BNC2: variants seen among roughly 807,000 people sequenced by gnomAD.
BNC2 encodes the protein basonuclin zinc finger protein 2, also known as zinc finger protein basonuclin-2.
Under a neutral mutation model 76.3 loss-of-function variants are expected in BNC2, and 20 were observed. The observed-to-expected ratio is 0.26, with a 90% CI of 0.18 to 0.38. The LOEUF (loss-of-function observed/expected upper bound fraction) is 0.38, where lower values mean the gene tolerates loss of function less well. Among genes scored for constraint, BNC2 ranks in the 10% least tolerant of loss-of-function variants. The pLI is 1.00. For missense variants in BNC2, 1,382 were observed against 1,399.8 expected (o/e 0.99, Z 0.20); for synonymous variants, 582 against 514.8 (o/e 1.13, Z -1.77).
chr9:16,784,028 T>G (rs370986024), intron 1 of BNC2, among the ~76,000 whole-genome samples: 1 of 152,160 alleles, frequency 6.6e-6, no homozygotes, highest in Non-Finnish European at 1.5e-5. Context: ...TCCAGTGAAT[T>G]TGGGAAAAAG....
At chr9:16,660,154 G>A (rs573293630) in intron 3 of BNC2, among the ~76,000 whole-genome samples, 6 of 152,196 alleles carry the variant, frequency 3.9e-5, no homozygotes, top group African/African-American at 1.4e-4. Flanking sequence ...ACTTCCCCTT[G>A]AAAATTACAC....
intron 5 of BNC2, among the ~76,000 whole-genome samples, chr9:16,501,462 A>C (rs532666941): frequency 2.0e-5 from 3 of 152,226 alleles, no homozygotes; most frequent in African/African-American, 7.2e-5. Flanking sequence ...CATCACAACC[A>C]CTCAGTGAGA....
At chr9:16,733,164 TGGGACTTG>T (rs2135058295) in intron 2 of BNC2, among the ~76,000 whole-genome samples, 1 of 152,290 alleles carries the variant, frequency 6.6e-6, no homozygotes, top group African/African-American at 2.4e-5. Context: ...GAACAAAGTA[TGGGACTTG>T]CTCTCCAACA....
intron 1 of BNC2, among the ~76,000 whole-genome samples, chr9:16,781,246 G>GATCTGGATTCAAGACCTCATGTC (rs58363689): frequency 6.6e-6 from 1 of 151,812 alleles, no homozygotes; most frequent in Non-Finnish European, 1.5e-5. Context: ...AAGGTCTGAA[G>GATCTGGATTCAAGACCTCATGTC]ATCAGGGCTG....
At chr9:16,638,842 A>G (rs981662649) in intron 3 of BNC2, among the ~76,000 whole-genome samples, 1 of 152,228 alleles carries the variant, frequency 6.6e-6, no homozygotes, top group African/African-American at 2.4e-5. Context: ...AAATTGCCTC[A>G]CTTAAAACCA....
intron 5 of BNC2, among the ~76,000 whole-genome samples, chr9:16,468,844 G>A (rs1821753564): frequency 6.6e-6 from 1 of 152,196 alleles, no homozygotes; most frequent in South Asian, 2.1e-4. Flanking sequence ...ATGTGACACT[G>A]AGGTGCATAC....
At chr9:16,702,211 G>T (rs1037606493) in intron 3 of BNC2, among the ~76,000 whole-genome samples, 2 of 152,058 alleles carry the variant, frequency 1.3e-5, no homozygotes, top group African/African-American at 4.8e-5. Flanking sequence ...CTTTAGTGTG[G>T]TCTTAGTTCC....
intron 5 of BNC2, among the ~76,000 whole-genome samples, chr9:16,538,568 C>A (rs1818199698): frequency 1.3e-5 from 2 of 152,108 alleles, no homozygotes. Context: ...AATAAGTTTT[C>A]ATTAACTTGT....
At chr9:16,799,103 T>C (rs762659270) in intron 1 of BNC2, among the ~76,000 whole-genome samples, 1 of 152,116 alleles carries the variant, frequency 6.6e-6, no homozygotes, top group Non-Finnish European at 1.5e-5. Flanking sequence ...AAATCAGTTA[T>C]AATGCACATT....
chr9:16,681,948 A>G (rs1056563306), intron 3 of BNC2, among the ~76,000 whole-genome samples: 1 of 152,010 alleles, frequency 6.6e-6, no homozygotes, highest in Non-Finnish European at 1.5e-5. Context: ...GCTGGTGACC[A>G]AGGATGTAAG....
intron 3 of BNC2, among the ~76,000 whole-genome samples, chr9:16,593,358 T>G (rs929884308): frequency 6.6e-6 from 1 of 152,084 alleles, no homozygotes; most frequent in Admixed American, 6.6e-5. Flanking sequence ...AGAGATCCAA[T>G]AAGCATCCAT....
At chr9:16,530,267 CTT>C (rs1817938438) in intron 5 of BNC2, among the ~76,000 whole-genome samples, 1 of 152,090 alleles carries the variant, frequency 6.6e-6, no homozygotes, top group Non-Finnish European at 1.5e-5. Flanking sequence ...AAATTCCTCT[CTT>C]TGCAGATTTT....
At chr9:16,600,596 G>A (rs1291675048) in intron 3 of BNC2, among the ~76,000 whole-genome samples, 2 of 151,958 alleles carry the variant, frequency 1.3e-5, no homozygotes, top group South Asian at 2.1e-4. Flanking sequence ...CCATATTCTA[G>A]CTGAAAAACA....
chr9:16,748,298 G>A (rs535420492), intron 1 of BNC2, among the ~76,000 whole-genome samples: 3 of 152,240 alleles, frequency 2.0e-5, no homozygotes, highest in East Asian at 3.9e-4. Context: ...AAGACTGTTT[G>A]AGCCTAGGAG....
chr9:16,528,986 G>T (rs903180456), intron 5 of BNC2, among the ~76,000 whole-genome samples: 1 of 152,164 alleles, frequency 6.6e-6, no homozygotes, highest in Non-Finnish European at 1.5e-5. Flanking sequence ...CCACTCAGAG[G>T]CTCTGGGAAA....
At position 16,537,232 on chromosome 9, in the gene BNC2, A is replaced by G. The variant is rs1818156691; in HGVS notation, c.669+15298T>C. Reference sequence around the variant, plus strand: ...CTGAATGTCATTTCAAAGTGAATACACCTCTTTAGGACTATCTTTTGATGT... The same window carrying G: ...CTGAATGTCATTTCAAAGTGAATACGCCTCTTTAGGACTATCTTTTGATGT... On this transcript the variant is annotated intron_variant, in intron 5 of 6. Coordinates refer to ENST00000380672, the MANE Select transcript of BNC2 (RefSeq NM_017637.6). Among the ~76,000 whole-genome samples, 5 of 152,230 alleles carry G rather than the reference A, an allele frequency of 3.3e-5. No individual in the cohort carries two copies. The South Asian group carries it at 1.0e-3, about 32-fold the overall frequency.
At chr9:16,662,452 C>A (rs765836020) in intron 3 of BNC2, among the ~76,000 whole-genome samples, 1 of 152,230 alleles carries the variant, frequency 6.6e-6, no homozygotes, top group South Asian at 2.1e-4. Flanking sequence ...AGAAAATACC[C>A]GGGCTGAGCG....
chr9:16,850,251 G>C (rs1317116802), intron 1 of BNC2, among the ~76,000 whole-genome samples: 1 of 152,146 alleles, frequency 6.6e-6, no homozygotes, highest in African/African-American at 2.4e-5. Context: ...TTAAAACATA[G>C]AGCTGGCTAC....
At chr9:16,648,338 G>C (rs887295540) in intron 3 of BNC2, among the ~76,000 whole-genome samples, 1 of 152,192 alleles carries the variant, frequency 6.6e-6, no homozygotes, top group Non-Finnish European at 1.5e-5. Context: ...TAAGACAGTA[G>C]AACATCAGGA....
Sources: allele counts gnomAD v4.1 joint callset (sites outside exome capture counted in the v4.1 genomes callset), GRCh38; gene constraint gnomAD v4.1.1; transcripts MANE v1.5; gene names NCBI Gene and HGNC (gene_info 2026-07-23, HGNC 2026-07-21).